Variants in LTBP1 observed in about 807,000 individuals in gnomAD.
The protein encoded by LTBP1 is latent-transforming growth factor beta-binding protein 1.
Under a neutral mutation model 207.6 loss-of-function variants are expected in LTBP1, and 129 were observed. The ratio of observed to expected loss-of-function variants is 0.62; its 90% CI spans 0.54 to 0.72. LTBP1 has a LOEUF of 0.72. LTBP1 is among the 30% of genes least tolerant of loss of function. LTBP1 has a pLI of 0.00. For missense variants in LTBP1, 2,281 were observed against 2,217.2 expected, an observed-to-expected ratio of 1.03 and a Z score of -0.58; for synonymous variants, 963 against 833.7, an observed-to-expected ratio of 1.16 and a Z score of -2.67.
intron 10 of LTBP1, among the ~76,000 whole-genome samples, chr2:33,246,281 G>C (rs185877168): frequency 9.2e-5 from 14 of 152,248 alleles, no homozygotes; most frequent in Non-Finnish European, 2.9e-5. Context: ...AGTTCCTTTA[G>C]GATTTGCGAT....
At chr2:33,277,764 T>TCTTC (rs1491534153) in intron 18 of LTBP1, among the ~76,000 whole-genome samples, 78 of 34,834 alleles carry the variant, frequency 2.2e-3, no homozygotes, top group African/African-American at 5.7e-3. Context: ...TTTTTCCCTT[T>TCTTC]CTTTCTTTCT....
At chr2:33,001,446 A>G (rs1275337470) in intron 2 of LTBP1, among the ~76,000 whole-genome samples, 2 of 134,882 alleles carry the variant, frequency 1.5e-5, no homozygotes, top group African/African-American at 2.6e-5. Flanking sequence ...TGGTCTGGTG[A>G]CCACACCTAG....
chr2:33,147,066 T>A (rs1164809310), intron 5 of LTBP1, among the ~76,000 whole-genome samples: 1 of 152,212 alleles, frequency 6.6e-6, no homozygotes, highest in African/African-American at 2.4e-5. Context: ...AACTCAGAAA[T>A]GTGACTTCAA....
chr2:33,312,915 G>A (rs889861202), intron 23 of LTBP1, among the ~76,000 whole-genome samples: 2 of 152,194 alleles, frequency 1.3e-5, no homozygotes, highest in African/African-American at 4.8e-5. Flanking sequence ...TCCTGAGCTT[G>A]ATCCCCAAGC....
intron 2 of LTBP1, among the ~76,000 whole-genome samples, chr2:33,003,351 C>T (rs1172723573): frequency 1.3e-5 from 2 of 152,198 alleles, no homozygotes; most frequent in Admixed American, 1.3e-4. Context: ...AATGAGGCTT[C>T]TTTCAACCAT....
intron 8 of LTBP1, 34 bp downstream of exon 8, chr2:33,217,688 A>G: frequency 6.9e-7 from 1 of 1,459,588 alleles, no homozygotes; most frequent in Non-Finnish European, 9.6e-7. Flanking sequence ...TTGCAGGTTA[A>G]TGTAGCATAT....
At chr2:32,947,882 C>G in intron 1 of LTBP1, 64 bp downstream of exon 1, 1 of 1,252,718 alleles carries the variant, frequency 8.0e-7, no homozygotes, top group Non-Finnish European at 1.0e-6. Flanking sequence ...GAGGGACCTG[C>G]GGGGTCAGGG....
At chr2:33,244,256 T>G (rs817537) in intron 10 of LTBP1, among the ~76,000 whole-genome samples, 92,224 of 152,000 alleles carry the variant, frequency 0.61, 28,659 homozygotes, top group East Asian at 0.91. Context: ...TTCTCAATTG[T>G]AAGAGTCTGG....
At chr2:33,181,155 A>C (rs2086590193) in intron 5 of LTBP1, among the ~76,000 whole-genome samples, 1 of 152,212 alleles carries the variant, frequency 6.6e-6, no homozygotes, top group Non-Finnish European at 1.5e-5. Context: ...GAAGGTCAAG[A>C]ACATTCTTAG....
chr2:33,323,261 GT>G (rs1314693861), intron 24 of LTBP1, among the ~76,000 whole-genome samples: 9 of 152,112 alleles, frequency 5.9e-5, no homozygotes, highest in African/African-American at 1.9e-4. Context: ...GTAATTTATT[GT>G]ACTGAAAGTG....
intron 27 of LTBP1, among the ~76,000 whole-genome samples, 193 bp downstream of exon 27, chr2:33,360,972 C>A (rs1315623163): frequency 6.6e-6 from 1 of 152,210 alleles, no homozygotes; most frequent in East Asian, 1.9e-4. Context: ...TCATCGTGTA[C>A]TTTGACAGTC....
chr2:33,347,942 C>T (rs1559048694), intron 26 of LTBP1, among the ~76,000 whole-genome samples: 1 of 152,232 alleles, frequency 6.6e-6, no homozygotes, highest in Non-Finnish European at 1.5e-5. Flanking sequence ...TTAGGATCTA[C>T]AAAGACTTCC....
intron 3 of LTBP1, among the ~76,000 whole-genome samples, chr2:33,057,285 C>T (rs2077048491): frequency 6.6e-6 from 1 of 152,268 alleles, no homozygotes; most frequent in East Asian, 1.9e-4. Context: ...ACAGAGTGCT[C>T]ATTGGTGTAT....
chr2:33,260,155 C>T (rs2092972122), intron 13 of LTBP1, among the ~76,000 whole-genome samples: 1 of 152,076 alleles, frequency 6.6e-6, no homozygotes, highest in African/African-American at 2.4e-5. Flanking sequence ...TAGATGGGGG[C>T]TATGAATTGT....
At chr2:33,090,560 T>C (rs2079021547) in intron 3 of LTBP1, among the ~76,000 whole-genome samples, 1 of 152,156 alleles carries the variant, frequency 6.6e-6, no homozygotes, top group Admixed American at 6.5e-5. Context: ...TGTCATGAGG[T>C]AGCTACTATT....
chr2:33,122,100 TG>T (rs1263977351), intron 4 of LTBP1, among the ~76,000 whole-genome samples: 2 of 151,936 alleles, frequency 1.3e-5, no homozygotes, highest in Non-Finnish European at 2.9e-5. Flanking sequence ...CCCTTGACTC[TG>T]GGCTTGGCCA....
At chr2:33,270,372 A>G (rs62148881) in intron 15 of LTBP1, among the ~76,000 whole-genome samples, 96,747 of 151,584 alleles carry the variant, frequency 0.64, 31,751 homozygotes, top group East Asian at 0.92. Flanking sequence ...GGTGGATCGC[A>G]AGGTCAAGAG....
chr2:33,236,741 A>G (rs1475833733), intron 9 of LTBP1, among the ~76,000 whole-genome samples: 1 of 152,206 alleles, frequency 6.6e-6, no homozygotes, highest in African/African-American at 2.4e-5. Flanking sequence ...TGTTACTGTG[A>G]ATATTTCAAG....
chr2:33,004,409 T>TG (rs1293326855), intron 2 of LTBP1, among the ~76,000 whole-genome samples: 1 of 152,172 alleles, frequency 6.6e-6, no homozygotes, highest in Non-Finnish European at 1.5e-5. Context: ...ATGGCGATTT[T>TG]TTTTTAAACA....
Sources: allele counts gnomAD v4.1 joint callset (sites outside exome capture counted in the v4.1 genomes callset), GRCh38; gene constraint gnomAD v4.1.1; transcripts MANE v1.5; gene names NCBI Gene and HGNC (gene_info 2026-07-23, HGNC 2026-07-21).